AMPD1: variants seen among roughly 807,000 people sequenced by gnomAD.
AMPD1 encodes the protein AMP deaminase 1.
AMPD1 carries 74 observed loss-of-function variants against 82.9 expected under a neutral mutation model. The observed-to-expected ratio is 0.89, with a 90% confidence interval of 0.74 to 1.08. The LOEUF (loss-of-function observed/expected upper bound fraction) is 1.08, where lower values mean the gene tolerates loss of function less well. AMPD1 is among the 50% of genes least tolerant of loss of function. The pLI is 0.00. For missense variants in AMPD1, 881 were observed against 924.5 expected, an observed-to-expected ratio of 0.95 and a Z score of 0.61; for synonymous variants, 333 against 320.5, an observed-to-expected ratio of 1.04 and a Z score of -0.42.
At chr1:114,695,369 T>C (rs1658643854) in intron 1 of AMPD1, 81 bp downstream of exon 1, 1 of 1,567,466 alleles carries the variant, frequency 6.4e-7, no homozygotes, top group Non-Finnish European at 8.7e-7. Flanking sequence ...AAAGCTGATA[T>C]GGTAGCTAAA....
intron 5 of AMPD1, chr1:114,683,116 T>G: frequency 2.2e-6 from 1 of 447,522 alleles, no homozygotes; most frequent in South Asian, 1.7e-5. Flanking sequence ...AAATACGTAC[T>G]TAACTTTCTA....
intron 7 of AMPD1, 70 bp downstream of exon 7, chr1:114,679,509 C>T (rs1570842282): frequency 6.3e-7 from 1 of 1,581,422 alleles, no homozygotes; most frequent in African/African-American, 1.3e-5. Flanking sequence ...ACACTCTTTT[C>T]TTGTGCTTCT....
rs1487370986 is a variant in AMPD1, at chr1:114,693,437, T to A, written c.33A>T (p.Lys11Asn). The change falls in exon 2 of 16, where the codon AAA becomes AAT. Residue 11 changes from lysine (K) to asparagine (N), a missense_variant and splice_region_variant. This residue lies in a region of AMPD1 where 783 missense variants were observed against 786.4 expected (regional missense o/e 1.00). Coordinates refer to ENST00000520113, the MANE Select transcript of AMPD1 (RefSeq NM_000036.3). MPLFKLPAEE[K>N]QIDDAMRNFA... is the part of the protein sequence containing the mutation. The stretch of plus-strand genomic sequence containing the variant: ...CAGCAAAAGTAATGCAATACTCACG[T>A]TTCTCTTCAGCTGTATGAAGTAAAA... 6.2e-7 allele frequency: 1 copy of A among 1,609,418 alleles called. No individual in the cohort carries two copies. Among genetic ancestry groups the A allele is most frequent in the Non-Finnish European group, 8.5e-7 (1 of 1,176,060 alleles).
intron 3 of AMPD1, among the ~76,000 whole-genome samples, chr1:114,688,230 C>G (rs1484283588): frequency 2.6e-5 from 4 of 152,022 alleles, no homozygotes; most frequent in Admixed American, 2.6e-4. Flanking sequence ...CAGGTTCAAG[C>G]GATTCTCCTG....
chr1:114,693,137 TAA>T (rs1386337200), intron 2 of AMPD1, among the ~76,000 whole-genome samples: 354 of 147,032 alleles, frequency 2.4e-3, no homozygotes, highest in African/African-American at 8.4e-3. Context: ...AATAAATAAA[TAA>T]ATAAATAAAT....
intron 2 of AMPD1, among the ~76,000 whole-genome samples, chr1:114,692,057 C>T (rs1433856748): frequency 6.6e-6 from 1 of 152,194 alleles, no homozygotes; most frequent in African/African-American, 2.4e-5. Flanking sequence ...ATAATAATAA[C>T]GTCAACTTCA....
chr1:114,674,946 A>C (rs1435668738), intron 12 of AMPD1, 74 bp from the exon 13 acceptor site: 1 of 1,582,550 alleles, frequency 6.3e-7, no homozygotes, highest in Non-Finnish European at 8.7e-7. Flanking sequence ...TCAGTAGAAA[A>C]GTGAACACTC....
chr1:114,677,702 G>A (rs1194219675), intron 9 of AMPD1, among the ~76,000 whole-genome samples, 188 bp from the exon 10 acceptor site: 1 of 151,946 alleles, frequency 6.6e-6, no homozygotes, highest in Non-Finnish European at 1.5e-5. Flanking sequence ...CATTAGAGTG[G>A]ATGTGTCAGA....
chr1:114,680,892 C>T (rs573457513), intron 5 of AMPD1, among the ~76,000 whole-genome samples: 39 of 152,052 alleles, frequency 2.6e-4, no homozygotes, highest in African/African-American at 8.9e-4. Flanking sequence ...CATTTGAATC[C>T]GGGAGGCATA....
chr1:114,686,934 G>T (rs534772371), intron 3 of AMPD1, 24 bp from the exon 4 acceptor site: 2 of 1,613,626 alleles, frequency 1.2e-6, no homozygotes, highest in South Asian at 2.2e-5. Context: ...TTAAAAGTAA[G>T]AGTTAATTTT....
In AMPD1 at chr1:114,675,072, G is replaced by A. The variant is rs989361837; in HGVS notation, c.1680-200C>T. The A allele has an allele frequency of 3.1e-4, 205 of 654,102 alleles. No individual in the cohort carries two copies. The African/African-American group carries it at 3.3e-3, about 11-fold the overall frequency. 40.5% of individuals were successfully genotyped at this position (654,102 alleles called of 1,614,324 possible). Reference sequence around the variant, plus strand: ...CAGCAGAGGATATGGGGGTAAGGAAGCAAATAAAGTGTTGATTGCCTGGAT... The same window carrying A: ...CAGCAGAGGATATGGGGGTAAGGAAACAAATAAAGTGTTGATTGCCTGGAT... On this transcript the variant is annotated intron_variant, in intron 12 of 15. Transcript: ENST00000520113.
intron 5 of AMPD1, 39 bp from the exon 6 acceptor site, chr1:114,680,517 G>A (rs779025222): frequency 6.4e-7 from 1 of 1,569,336 alleles, no homozygotes; most frequent in Non-Finnish European, 8.8e-7. Flanking sequence ...TTAGCACATA[G>A]GATGAACGAC....
chr1:114,686,062 C>G (rs1039084488), intron 4 of AMPD1, among the ~76,000 whole-genome samples: 1 of 152,178 alleles, frequency 6.6e-6, no homozygotes, highest in African/African-American at 2.4e-5. Context: ...AATTGACCAA[C>G]TGTTCTGGAT....
chr1:114,693,152 A>G (rs943691725), intron 2 of AMPD1, among the ~76,000 whole-genome samples: 1 of 147,612 alleles, frequency 6.8e-6, no homozygotes, highest in African/African-American at 2.5e-5. Context: ...AAATAAATAA[A>G]TAAATAAATA....
intron 8 of AMPD1, 90 bp from the exon 9 acceptor site, chr1:114,678,131 G>C (rs545166360): frequency 1.0e-4 from 156 of 1,557,904 alleles, no homozygotes; most frequent in Non-Finnish European, 1.3e-4. Context: ...ACTGGGGTCT[G>C]GTAGTGGGGG....
intron 1 of AMPD1, 124 bp from the exon 2 acceptor site, chr1:114,693,571 C>G (rs1212613482): frequency 4.8e-6 from 4 of 841,454 alleles, no homozygotes; most frequent in Non-Finnish European, 8.1e-6. Flanking sequence ...AGCCTTCCAG[C>G]TTGTCTACAG....
In AMPD1 at chr1:114,679,635, C is replaced by A. The variant is rs1346675408; in HGVS notation, c.841G>T (p.Asp281Tyr). 2 of 1,614,014 alleles carry A rather than the reference C, an allele frequency of 1.2e-6. No homozygotes were observed. The highest frequency in any genetic ancestry group is 2.2e-5 in the South Asian group (2 of 91,062). Residue 281 changes from aspartate (D) to tyrosine (Y), a missense_variant, in exon 7 of 16, where the codon GAC becomes TAC. By Grantham distance (160) the Asp-to-Tyr change is radical (BLOSUM62 -3). This residue lies in a region of AMPD1 where 783 missense variants were observed against 786.4 expected (regional missense o/e 1.00). Coordinates refer to ENST00000520113, the MANE Select transcript of AMPD1 (RefSeq NM_000036.3). The part of the protein sequence containing the change: ...FQVHQMLNEM[D>Y]ELKELKNNPH... The stretch of plus-strand genomic sequence containing the variant: ...TTGTTTTTCAGCTCCTTTAACTCGT[C>A]CATCTCGTTAAGCATCTGATGGACC...
At chr1:114,677,213 T>C (rs1441529943) in intron 10 of AMPD1, 138 bp downstream of exon 10, 3 of 1,177,062 alleles carry the variant, frequency 2.5e-6, no homozygotes, top group Admixed American at 4.2e-5. Flanking sequence ...AAACCAAGCA[T>C]GCAGGACCCG....
Position 114,677,913 on chromosome 1 carries a change from G to C in AMPD1, c.1221C>G (p.Ile407Met), listed in dbSNP as rs144014236. The C allele has an allele frequency of 2.5e-5, 40 of 1,612,382 alleles. No individual in the cohort carries two copies. In the Middle Eastern group the frequency reaches 1.3e-3, roughly 53 times the overall value. Reference protein sequence around the residue: ...YINGEYFATIIKEVGADLVEA... With the variant: ...YINGEYFATIMKEVGADLVEA... ...GATGTGATTGGTTCCGCCTCACCTT[G>C]ATGATAGTGGCAAAATATTCCCCAT... Residue 407 changes from isoleucine to methionine, a missense_variant, in exon 9 of 16, where the codon ATC becomes ATG. Physicochemically the swap from Ile to Met is conservative, Grantham distance 10. This residue lies in a region of AMPD1 where 783 missense variants were observed against 786.4 expected (regional missense o/e 1.00). Transcript: ENST00000520113.
Sources: allele counts gnomAD v4.1 joint callset (sites outside exome capture counted in the v4.1 genomes callset), GRCh38; gene constraint gnomAD v4.1.1; regional missense constraint gnomAD v4.1.1; transcripts MANE v1.5; gene names NCBI Gene and HGNC (gene_info 2026-07-23, HGNC 2026-07-21).